The following SNX30 variants were observed in gnomAD, a reference collection of about 807,000 sequenced individuals.
SNX30 encodes sorting nexin-30.
In SNX30, 24 loss-of-function variants were observed where a neutral mutation model predicts 46.4. The observed-to-expected ratio is 0.52, with a 90% CI of 0.37 to 0.73. The LOEUF (loss-of-function observed/expected upper bound fraction) is 0.73. Among genes scored for constraint, SNX30 ranks in the 30% least tolerant of loss-of-function variants. The pLI is 0.00. For missense variants in SNX30, 533 were observed against 555.7 expected (o/e 0.96, Z 0.41); for synonymous variants, 189 against 211.5 (o/e 0.89, Z 0.92).
intron 7 of SNX30, among the ~76,000 whole-genome samples, chr9:112,859,368 C>G (rs1188001629): frequency 6.6e-6 from 1 of 152,154 alleles, no homozygotes; most frequent in Non-Finnish European, 1.5e-5. Flanking sequence ...CAGTGGACAT[C>G]TGTGTTGCTT....
intron 2 of SNX30, among the ~76,000 whole-genome samples, 178 bp from the exon 3 acceptor site, chr9:112,817,527 G>A (rs1271911933): frequency 6.9e-6 from 1 of 145,348 alleles, no homozygotes; most frequent in African/African-American, 2.6e-5. Context: ...TTTTAACTGG[G>A]CTAAGTGTCC....
At chr9:112,775,542 TTG>T (rs199600863) in intron 1 of SNX30, among the ~76,000 whole-genome samples, 6,648 of 131,294 alleles carry the variant, frequency 0.051, 185 homozygotes, top group Middle Eastern at 0.095. Flanking sequence ...TATTTTAAAT[TTG>T]TGTGTGTGTG....
intron 1 of SNX30, among the ~76,000 whole-genome samples, chr9:112,762,375 A>C (rs1216818609): frequency 1.3e-5 from 2 of 152,152 alleles, no homozygotes; most frequent in African/African-American, 4.8e-5. Context: ...TCGTGAGCAT[A>C]TGCTACATAC....
intron 3 of SNX30, among the ~76,000 whole-genome samples, chr9:112,825,109 G>A (rs974892544): frequency 2.6e-5 from 4 of 152,212 alleles, no homozygotes; most frequent in Non-Finnish European, 4.4e-5. Context: ...ACAACAAGAA[G>A]TGGAATTGCT....
intron 8 of SNX30, chr9:112,866,439 A>G (rs1841345404): frequency 2.1e-6 from 1 of 470,630 alleles, no homozygotes; most frequent in Non-Finnish European, 4.4e-6. Context: ...TGAGGACCAA[A>G]TAGAAAACTG....
chr9:112,751,299 C>T (rs1839272346), intron 1 of SNX30, 142 bp downstream of exon 1: 5 of 1,111,628 alleles, frequency 4.5e-6, no homozygotes, highest in African/African-American at 1.6e-5. Flanking sequence ...GCCCCGGAGC[C>T]CTCGGCGAAG....
At chr9:112,867,444 C>G (rs1490825246) in intron 8 of SNX30, among the ~76,000 whole-genome samples, 7 of 149,044 alleles carry the variant, frequency 4.7e-5, no homozygotes, top group Non-Finnish European at 8.9e-5. Flanking sequence ...TTCCTCAGAA[C>G]TCCTCCTCCA....
rs936125039 is a variant in SNX30 at position 112,755,507 on chromosome 9, G to A, written c.156+4350G>A. 3.3e-5 allele frequency among the ~76,000 whole-genome samples: 5 copies of A among 152,098 alleles called. No homozygotes were observed. The South Asian group carries it at 6.2e-4, about 19-fold the overall frequency. ...GCCATGGGGTGGGAAGTTAACATGGGCAGGGGACATTTCAGGGTCTTGAGC... is the reference window on the plus strand; with the variant it reads ...GCCATGGGGTGGGAAGTTAACATGGACAGGGGACATTTCAGGGTCTTGAGC... On this transcript the variant is annotated intron_variant, in intron 1 of 8. Coordinates refer to ENST00000374232, the MANE Select transcript of SNX30 (RefSeq NM_001012994.2).
At chr9:112,841,934 C>T (rs752772177) in intron 6 of SNX30, among the ~76,000 whole-genome samples, 1 of 152,180 alleles carries the variant, frequency 6.6e-6, no homozygotes, top group Non-Finnish European at 1.5e-5. Context: ...TGCCACAGGC[C>T]TGGCTGTGGC....
intron 7 of SNX30, among the ~76,000 whole-genome samples, chr9:112,853,390 C>T (rs1264580775): frequency 6.6e-6 from 1 of 152,176 alleles, no homozygotes; most frequent in Non-Finnish European, 1.5e-5. Context: ...TATGGCCGGC[C>T]CCACTGACGA....
intron 7 of SNX30, chr9:112,856,694 G>C (rs1002568273): frequency 2.0e-5 from 3 of 152,202 alleles, no homozygotes; most frequent in African/African-American, 7.2e-5. Flanking sequence ...GGTGGGTAGT[G>C]AAGTGAGAAT....
chr9:112,835,643 C>T (rs748144737), intron 4 of SNX30, among the ~76,000 whole-genome samples: 4 of 152,088 alleles, frequency 2.6e-5, no homozygotes, highest in African/African-American at 4.8e-5. Context: ...TATTTAGATA[C>T]AATGGGTTAT....
At chr9:112,878,962 A>G (rs1363611383), downstream of SNX30, 1 of 152,242 alleles carries the variant, frequency 6.6e-6, no homozygotes, top group African/African-American at 2.4e-5. Flanking sequence ...GCTTTTATAA[A>G]TCCAAGTAAA....
intron 3 of SNX30, among the ~76,000 whole-genome samples, chr9:112,825,429 G>A (rs898305089): frequency 2.6e-5 from 4 of 152,022 alleles, no homozygotes; most frequent in African/African-American, 9.7e-5. Context: ...ACAGTAGCTG[G>A]GACTTCAGGC....
At chr9:112,854,815 C>T (rs545631426) in intron 7 of SNX30, among the ~76,000 whole-genome samples, 7 of 152,326 alleles carry the variant, frequency 4.6e-5, no homozygotes, top group African/African-American at 1.7e-4. Flanking sequence ...CCCTAGCTTG[C>T]ACTGATCCGC....
At chr9:112,854,000 C>T (rs895998151) in intron 7 of SNX30, among the ~76,000 whole-genome samples, 1 of 152,220 alleles carries the variant, frequency 6.6e-6, no homozygotes, top group African/African-American at 2.4e-5. Context: ...AACCGAGGAT[C>T]CTGCATTTTA....
chr9:112,858,181 C>T (rs1232206647), intron 7 of SNX30, among the ~76,000 whole-genome samples: 1 of 152,128 alleles, frequency 6.6e-6, no homozygotes. Flanking sequence ...GTAGCACAAC[C>T]GTAACAATAC....
At chr9:112,771,867 A>G (rs1230424749) in intron 1 of SNX30, among the ~76,000 whole-genome samples, 1 of 152,234 alleles carries the variant, frequency 6.6e-6, no homozygotes. Context: ...AAATCTGTTC[A>G]GGTCAAATAT....
intron 7 of SNX30, among the ~76,000 whole-genome samples, chr9:112,863,927 C>T (rs1841277641): frequency 6.6e-6 from 1 of 152,156 alleles, no homozygotes; most frequent in South Asian, 2.1e-4. Flanking sequence ...ATGAGTAAAT[C>T]CTAAAAGGAA....
Sources: allele counts gnomAD v4.1 joint callset (sites outside exome capture counted in the v4.1 genomes callset), GRCh38; gene constraint gnomAD v4.1.1; transcripts MANE v1.5; gene names NCBI Gene and HGNC (gene_info 2026-07-23, HGNC 2026-07-21).